SCN1A: variants seen among roughly 807,000 people sequenced by gnomAD.
The protein encoded by SCN1A is sodium channel protein type 1 subunit alpha.
Under a neutral mutation model 193.7 loss-of-function variants are expected in SCN1A, and 13 were observed. The ratio of observed to expected loss-of-function variants is 0.07; its 90% CI spans 0.04 to 0.11. The LOEUF is 0.11. Among genes scored for constraint, SCN1A ranks in the 10% least tolerant of loss-of-function variants. The pLI is 1.00. For missense variants in SCN1A, 1,432 were observed against 2,451.1 expected, an observed-to-expected ratio of 0.58 and a Z score of 8.78; for synonymous variants, 781 against 843.6, an observed-to-expected ratio of 0.93 and a Z score of 1.29.
chr2:166,050,277 A>G (rs570313109), intron 9 of SCN1A, among the ~76,000 whole-genome samples: 20 of 151,930 alleles, frequency 1.3e-4, no homozygotes, highest in Non-Finnish European at 2.2e-4. Context: ...AGTTACCTTT[A>G]ATTTTAATAA....
intron 26 of SCN1A, 45 bp downstream of exon 26, chr2:165,997,993 A>T: frequency 6.7e-7 from 1 of 1,499,892 alleles, no homozygotes; most frequent in Non-Finnish European, 9.3e-7. Context: ...ACTCCAAGGA[A>T]TAATTTTCTA....
rs545426296 is a variant in SCN1A at position 166,072,474 on chromosome 2, A to G, written c.264+884T>C. On this transcript the variant is annotated intron_variant, in intron 4 of 28. Coordinates refer to ENST00000674923, the MANE Select transcript of SCN1A (RefSeq NM_001165963.4). ...ATGACATTTTTGTTAATTCTTGCCA[A>G]TATTAGTACATTAATACCAAAATAT... is the stretch of plus-strand genomic sequence containing the variant. Among the ~76,000 whole-genome samples the G allele has an allele frequency of 1.2e-4, 18 of 152,334 alleles. No homozygotes were observed. In the South Asian group the frequency reaches 3.3e-3, roughly 28 times the overall value.
intron 19 of SCN1A, among the ~76,000 whole-genome samples, chr2:166,029,215 A>G (rs2105746851): frequency 6.6e-6 from 1 of 152,150 alleles, no homozygotes; most frequent in East Asian, 1.9e-4. Flanking sequence ...GCAATGGGCA[A>G]CTCCTGAAAG....
At position 166,039,404 on chromosome 2, in the gene SCN1A, T is replaced by TTTTG; in HGVS notation, c.2589+18_2589+19insCAAA. The TTTTG allele has an allele frequency of 9.1e-5, 1 of 11,048 alleles. No homozygotes were observed. The highest frequency in any genetic ancestry group is 1.4e-4 in the Non-Finnish European group (1 of 6,964). 0.7% of individuals were successfully genotyped at this position (11,048 alleles called of 1,614,324 possible). On this transcript the variant is annotated intron_variant, in intron 17 of 28. Coordinates refer to ENST00000674923, the MANE Select transcript of SCN1A (RefSeq NM_001165963.4). ...TTAGAAAGGTTTTTGAATTTGGTGC[T>TTTTG]TTTTTTTTTTTTTTTTACCAATCGA... is the stretch of plus-strand genomic sequence containing the variant.
At chr2:166,044,159 A>G (rs1239478859) in intron 13 of SCN1A, 110 bp from the exon 14 acceptor site, 4 of 1,207,674 alleles carry the variant, frequency 3.3e-6, no homozygotes, top group Non-Finnish European at 3.5e-6. Context: ...ATAACAGAAT[A>G]TGGTTCATTC....
intron 19 of SCN1A, 110 bp downstream of exon 19, chr2:166,035,934 TAAAA>T (rs34673057): frequency 0.022 from 22,767 of 1,028,630 alleles, 213 homozygotes; most frequent in African/African-American, 0.039. Context: ...TATCATAAAG[TAAAA>T]AAAAAAAAAA....
At position 165,991,087 on chromosome 2, in the gene SCN1A, A is replaced by G. The variant is rs1035943135; in HGVS notation, c.*158T>C. 3.1e-6 allele frequency: 2 copies of G among 648,382 alleles called. No homozygotes were observed. Among genetic ancestry groups the G allele is most frequent in the African/African-American group, 3.7e-5 (2 of 54,594 alleles). The allele number at this position is 648,382 out of a possible 1,614,324, so 40.2% of individuals were successfully genotyped here. A position where few individuals can be genotyped will look rare whatever the true frequency, so the allele number is the denominator to read the frequency against. The stretch of plus-strand genomic sequence containing the variant: ...TTACACAGAGTCACAGTTTGCTGAC[A>G]AGGGGTCACTGTCTTATTGTAGGCA... On this transcript the variant is annotated 3_prime_UTR_variant, in exon 29 of 29. Coordinates refer to ENST00000674923, the MANE Select transcript of SCN1A (RefSeq NM_001165963.4).
intron 19 of SCN1A, among the ~76,000 whole-genome samples, chr2:166,028,064 C>T (rs1695044515): frequency 6.6e-6 from 1 of 152,096 alleles, no homozygotes. Flanking sequence ...TCAGTTGTTT[C>T]TATTCTTTAG....
rs550325414 is a variant in SCN1A, at chr2:166,040,277, CT to C, written c.2416-682del. ...ATACCAAACTACCTTTTTGTCCAGACTTTATATACCACAAGTACTGACAACA... is the reference window on the plus strand; with the variant it reads ...ATACCAAACTACCTTTTTGTCCAGACTTATATACCACAAGTACTGACAACA... On this transcript the variant is annotated intron_variant, in intron 16 of 28. Transcript: ENST00000674923. 3.9e-5 allele frequency among the ~76,000 whole-genome samples: 6 copies of C among 152,244 alleles called. No individual in the cohort carries two copies. The South Asian group carries it at 1.2e-3, about 32-fold the overall frequency.
intron 2 of SCN1A, among the ~76,000 whole-genome samples, chr2:166,083,273 T>C (rs2106030729): frequency 6.6e-6 from 1 of 152,230 alleles, no homozygotes; most frequent in South Asian, 2.1e-4. Flanking sequence ...AAACAACATA[T>C]TTCAGCCATA....
Position 165,986,894 on chromosome 2 carries a change from A to G in SCN1A, c.*4351T>C, listed in dbSNP as rs1688647780. ...TTTTCAGAGAATAAGAACATTTTCT[A>G]TTTTCATGGAACAGGCACACTAGTC... On this transcript the variant is annotated 3_prime_UTR_variant, in exon 29 of 29. Transcript: ENST00000674923. 6.6e-6 allele frequency: 1 copy of G among 152,040 alleles called. No homozygotes were observed. The highest frequency in any genetic ancestry group is 1.5e-5 in the Non-Finnish European group (1 of 67,984). The allele number at this position is 152,040 out of a possible 1,614,324, so 9.4% of individuals were successfully genotyped here.
intron 2 of SCN1A, chr2:166,081,548 AT>A (rs1685525718): frequency 6.6e-6 from 1 of 151,734 alleles, no homozygotes; most frequent in Non-Finnish European, 1.5e-5. Flanking sequence ...TCCTCTGAAT[AT>A]TTTTTCTTTG....
intron 4 of SCN1A, among the ~76,000 whole-genome samples, chr2:166,069,180 A>T (rs952519242): frequency 6.6e-6 from 1 of 152,198 alleles, no homozygotes; most frequent in Non-Finnish European, 1.5e-5. Flanking sequence ...TCTAAAGACC[A>T]CTGAGTCAGA....
chr2:166,119,778 TCAAA>T (rs1025510622), intron 2 of SCN1A, among the ~76,000 whole-genome samples: 11 of 152,088 alleles, frequency 7.2e-5, no homozygotes, highest in African/African-American at 2.4e-4. Context: ...GACAAAATAT[TCAAA>T]CATTCAATTG....
At position 166,015,590 on chromosome 2, in the gene SCN1A, A is replaced by G; in HGVS notation, c.3550+17T>C. 3 of 1,612,056 alleles carry G rather than the reference A, an allele frequency of 1.9e-6. No homozygotes were observed. Among genetic ancestry groups the G allele is most frequent in the Non-Finnish European group, 1.7e-6 (2 of 1,178,332 alleles). On this transcript the variant is annotated intron_variant, in intron 20 of 28. Transcript: ENST00000674923. Reference sequence around the variant, plus strand: ...GCACTCCAAATGAAAGATTAACATTAGGATTCTTTTCTTTACCTTCAGTGA... The same window carrying G: ...GCACTCCAAATGAAAGATTAACATTGGGATTCTTTTCTTTACCTTCAGTGA...
intron 2 of SCN1A, chr2:166,104,318 A>G (rs1172136306): frequency 2.0e-5 from 3 of 152,228 alleles, no homozygotes; most frequent in African/African-American, 7.2e-5. Context: ...AATGATGAAC[A>G]TTGTCTAATG....
intron 2 of SCN1A, among the ~76,000 whole-genome samples, chr2:166,097,486 T>A (rs1687521429): frequency 6.6e-6 from 1 of 152,172 alleles, no homozygotes. Context: ...TCTCTAGAGA[T>A]CTGCTATATG....
chr2:166,062,204 T>C (rs1683382563), intron 4 of SCN1A, among the ~76,000 whole-genome samples: 1 of 152,114 alleles, frequency 6.6e-6, no homozygotes, highest in Non-Finnish European at 1.5e-5. Flanking sequence ...CATACATGCT[T>C]ATGTACAAAC....
intron 9 of SCN1A, 147 bp downstream of exon 9, chr2:166,051,572 G>A: frequency 1.7e-6 from 1 of 576,382 alleles, no homozygotes; most frequent in Non-Finnish European, 3.0e-6. Context: ...TATATATGGG[G>A]TACATGAGAT....
Sources: allele counts gnomAD v4.1 joint callset (sites outside exome capture counted in the v4.1 genomes callset), GRCh38; gene constraint gnomAD v4.1.1; transcripts MANE v1.5; gene names NCBI Gene and HGNC (gene_info 2026-07-23, HGNC 2026-07-21).